ISOC1: variants seen among roughly 807,000 people sequenced by gnomAD.
ISOC1 encodes the protein isochorismatase domain-containing protein 1.
ISOC1 carries 33 observed loss-of-function variants against 30.0 expected under a neutral mutation model. That is an observed-to-expected ratio of 1.10 (90% CI 0.83 to 1.47). The LOEUF is 1.47. Ranked by LOEUF, ISOC1 falls within the 40% of genes most tolerant of loss-of-function variation. The pLI is 0.00. For synonymous variants in ISOC1, 178 were observed against 159.8 expected (o/e 1.11, Z -0.86); for missense variants, 372 against 388.0 (o/e 0.96, Z 0.35).
Position 129,095,075 on chromosome 5 carries a change from G to A in ISOC1, c.309G>A (p.Gln103=). The change falls in exon 1 of 5, where the codon CAG becomes CAA. Residue 103 remains glutamine, a splice_region_variant and synonymous_variant. Transcript: ENST00000173527. ...TGCGCCTCGTGCCGTTGCAGATCCA[G>A]GTGGGTCCTGCGGGAGGCCGCGCGC... The part of the protein sequence containing the change: ...CKVRLVPLQI[Q]LTTLGNLTPS... 6.4e-7 allele frequency: 1 copy of A among 1,562,104 alleles called. No homozygotes were observed. The highest frequency in any genetic ancestry group is 2.4e-5 in the East Asian group (1 of 42,404).
At chr5:129,107,352 C>A (rs1203891744) in intron 4 of ISOC1, among the ~76,000 whole-genome samples, 2 of 152,046 alleles carry the variant, frequency 1.3e-5, no homozygotes, top group Non-Finnish European at 2.9e-5. Flanking sequence ...GGAGATATTC[C>A]AAGAAGCCTA....
At chr5:129,101,320 A>T (rs1419097307) in intron 1 of ISOC1, among the ~76,000 whole-genome samples, 5 of 150,884 alleles carry the variant, frequency 3.3e-5, no homozygotes, top group Non-Finnish European at 5.9e-5. Flanking sequence ...ACATGGTGAA[A>T]CCCCATCTCT....
chr5:129,103,848 G>A (rs911755618), intron 1 of ISOC1, among the ~76,000 whole-genome samples: 15 of 152,026 alleles, frequency 9.9e-5, no homozygotes, highest in African/African-American at 3.1e-4. Context: ...TTAAGGGAGC[G>A]GCTAGTAAGG....
In ISOC1 at chr5:129,104,954, A is replaced by G. The variant is rs1271360822; in HGVS notation, c.310-2A>G. 1 of 1,611,046 alleles carries G rather than the reference A, an allele frequency of 6.2e-7. No individual in the cohort carries two copies. Among genetic ancestry groups the G allele is most frequent in the South Asian group, 1.1e-5 (1 of 90,604 alleles). On this transcript the variant is annotated splice_acceptor_variant, in intron 1 of 4. Coordinates refer to ENST00000173527, the MANE Select transcript of ISOC1 (RefSeq NM_016048.2). LOFTEE classifies it high-confidence loss of function. ...AAATCATTCTTTTTCTTTTTTCCTC[A>G]GCTCACTACCCTGGGAAATCTTACA...
chr5:129,098,370 T>A (rs1365451131), intron 1 of ISOC1, among the ~76,000 whole-genome samples: 1 of 152,246 alleles, frequency 6.6e-6, no homozygotes, highest in Non-Finnish European at 1.5e-5. Flanking sequence ...TTGGTTTGTA[T>A]GTCTGCAGCT....
At chr5:129,097,363 A>G (rs1413753761) in intron 1 of ISOC1, among the ~76,000 whole-genome samples, 1 of 152,150 alleles carries the variant, frequency 6.6e-6, no homozygotes, top group Non-Finnish European at 1.5e-5. Context: ...ATTTATGTCT[A>G]TATGAGAAGA....
Position 129,094,821 on chromosome 5 carries a change from G to A in ISOC1, c.55G>A (p.Ala19Thr). The change falls in exon 1 of 5, where the codon GCG (alanine) becomes ACG (threonine). Residue 19 changes from alanine to threonine, a missense_variant. Ala to Thr is a moderately conservative substitution (Grantham distance 58). Coordinates refer to ENST00000173527, the MANE Select transcript of ISOC1 (RefSeq NM_016048.2). ...LALPNSGAGG[A>T]GAPSGTVPVL... Reference sequence around the variant, plus strand: ...GCTCCCCAACAGCGGCGCCGGGGGCGCGGGGGCGCCGTCGGGCACAGTCCC... The same window carrying A: ...GCTCCCCAACAGCGGCGCCGGGGGCACGGGGGCGCCGTCGGGCACAGTCCC... 1.3e-6 allele frequency: 2 copies of A among 1,541,358 alleles called. No individual in the cohort carries two copies. The highest frequency in any genetic ancestry group is 1.7e-6 in the Non-Finnish European group (2 of 1,147,198).
chr5:129,104,878 C>T, intron 1 of ISOC1, 78 bp from the exon 2 acceptor site: 4 of 1,423,090 alleles, frequency 2.8e-6, no homozygotes, highest in Non-Finnish European at 2.9e-6. Flanking sequence ...GACCATTTTT[C>T]TTCCTTTATT....
At chr5:129,109,073 A>C (rs1264213895) in intron 4 of ISOC1, among the ~76,000 whole-genome samples, 3 of 152,172 alleles carry the variant, frequency 2.0e-5, no homozygotes, top group African/African-American at 4.8e-5. Context: ...ATTTTCTTAG[A>C]TATGTCTTTG....
At chr5:129,100,433 G>C (rs937730263) in intron 1 of ISOC1, among the ~76,000 whole-genome samples, 1 of 152,022 alleles carries the variant, frequency 6.6e-6, no homozygotes, top group African/African-American at 2.4e-5. Flanking sequence ...ATTTGTATAT[G>C]TATCATGTGC....
chr5:129,110,019 A>G (rs1417983109), intron 4 of ISOC1, among the ~76,000 whole-genome samples: 1 of 152,208 alleles, frequency 6.6e-6, no homozygotes, highest in African/African-American at 2.4e-5. Flanking sequence ...CTTTCAATTA[A>G]CAATTGTAGA....
At chr5:129,108,702 G>A (rs1016521420) in intron 4 of ISOC1, among the ~76,000 whole-genome samples, 1 of 152,042 alleles carries the variant, frequency 6.6e-6, no homozygotes, top group Non-Finnish European at 1.5e-5. Flanking sequence ...AGTAGAGATG[G>A]GGTTTTGCCA....
intron 1 of ISOC1, among the ~76,000 whole-genome samples, chr5:129,100,427 G>A (rs1248606124): frequency 6.6e-6 from 1 of 151,998 alleles, no homozygotes; most frequent in Non-Finnish European, 1.5e-5. Context: ...ATATATATTT[G>A]TATATGTATC....
intron 1 of ISOC1, among the ~76,000 whole-genome samples, chr5:129,095,670 A>G (rs1231218988): frequency 6.6e-6 from 1 of 152,178 alleles, no homozygotes. Flanking sequence ...TACTGACTTG[A>G]TTACGTTTTG....
At chr5:129,102,157 A>G (rs916555518) in intron 1 of ISOC1, among the ~76,000 whole-genome samples, 2 of 152,170 alleles carry the variant, frequency 1.3e-5, no homozygotes, top group African/African-American at 4.8e-5. Flanking sequence ...CACATTCAAG[A>G]GGATGTTGGG....
chr5:129,097,319 A>G (rs573409185), intron 1 of ISOC1, among the ~76,000 whole-genome samples: 1 of 152,282 alleles, frequency 6.6e-6, no homozygotes, highest in South Asian at 2.1e-4. Context: ...ATAAATATGC[A>G]CACACTGTGT....
rs748091146 is a variant in ISOC1 at position 129,105,234 on chromosome 5, A to G, written c.479A>G (p.Tyr160Cys). ...ATTCCTGTTATTGTAACAGAACAAT[A>G]CCCTAAAGGTCTTGGGAGCACGGTT... ...LGIPVIVTEQ[Y>C]PKGLGSTVQE... Residue 160 changes from tyrosine to cysteine, a missense_variant, in exon 3 of 5, where the codon TAC (tyrosine) becomes TGC (cysteine). Transcript: ENST00000173527. 5.0e-6 allele frequency: 8 copies of G among 1,613,720 alleles called. No individual in the cohort carries two copies. The East Asian group carries it at 1.6e-4, about 31-fold the overall frequency.
chr5:129,104,516 T>C (rs1753612214), intron 1 of ISOC1, among the ~76,000 whole-genome samples: 1 of 152,156 alleles, frequency 6.6e-6, no homozygotes, highest in South Asian at 2.1e-4. Context: ...ACCCCAATTA[T>C]ATAACCACTT....
chr5:129,101,058 T>G (rs1460424235), intron 1 of ISOC1, among the ~76,000 whole-genome samples: 1 of 140,046 alleles, frequency 7.1e-6, no homozygotes, highest in Non-Finnish European at 1.5e-5. Context: ...TGAGACAGGG[T>G]CTTGCTCTGT....
Sources: allele counts gnomAD v4.1 joint callset (sites outside exome capture counted in the v4.1 genomes callset), GRCh38; gene constraint gnomAD v4.1.1; transcripts MANE v1.5; gene names NCBI Gene and HGNC (gene_info 2026-07-23, HGNC 2026-07-21).